PLCD1: variants seen among roughly 807,000 people sequenced by gnomAD.
The protein encoded by PLCD1 is phospholipase C delta 1, also known as 1-phosphatidylinositol 4,5-bisphosphate phosphodiesterase delta-1.
A neutral mutation model predicts 87.4 loss-of-function variants in PLCD1; 71 were observed. That is an observed-to-expected ratio of 0.81 (90% CI 0.67 to 0.99). The LOEUF (loss-of-function observed/expected upper bound fraction) is 0.99, where lower values mean the gene tolerates loss of function less well. PLCD1 is among the 50% of genes least tolerant of loss of function. The pLI is 0.00. For synonymous variants in PLCD1, 348 were observed against 399.2 expected, an observed-to-expected ratio of 0.87 and a Z score of 1.53; for missense variants, 867 against 1,001.5, an observed-to-expected ratio of 0.87 and a Z score of 1.81.
rs73825469 is a variant in PLCD1 at position 38,025,456 on chromosome 3, C to T, written c.34+4050G>A. On this transcript the variant is annotated intron_variant, in intron 1 of 14. Transcript: ENST00000334661. This position sits in a 1 kb window ranked among gnomAD's most constrained non-coding sequence, Gnocchi z 4.0. ...GATGGAGCCTGGGCCAGACACCGAG[C>T]CCCCCCCAAGTATTTTACTTCAATT... Among the ~76,000 whole-genome samples, 2,753 of 151,432 alleles carry T rather than the reference C, an allele frequency of 0.018. 46 individuals carry two copies. Among genetic ancestry groups the T allele is most frequent in the African/African-American group, 0.047 (1,929 of 41,308 alleles).
In PLCD1 at chr3:38,010,576, G is replaced by A. The variant is rs755727474; in HGVS notation, c.791-14C>T. 7.5e-6 allele frequency: 12 copies of A among 1,607,360 alleles called. No homozygotes were observed. The highest frequency in any genetic ancestry group is 1.0e-5 in the Non-Finnish European group (12 of 1,176,470). ...GCTGCGCCTTGGCTGGGAGGGAGGA[G>A]GCCACTGCCCGTCAGAGCCAGCCTC... On this transcript the variant is annotated splice_polypyrimidine_tract_variant and intron_variant, in intron 5 of 14. Transcript: ENST00000334661.
At chr3:38,008,967 C>T in intron 11 of PLCD1, 75 bp downstream of exon 11, 1 of 1,240,864 alleles carries the variant, frequency 8.1e-7, no homozygotes, top group South Asian at 1.2e-5. Context: ...ACTGCATGGC[C>T]TTCGAGGCTC....
rs767555699 is a variant in PLCD1 at position 38,010,387 on chromosome 3, C to T, written c.966G>A (p.Gly322=). The change falls in exon 6 of 15, where the codon GGG becomes GGA. Residue 322 remains glycine, a synonymous_variant. Coordinates refer to ENST00000334661, the MANE Select transcript of PLCD1 (RefSeq NM_006225.4). Reference sequence around the variant, plus strand: ...GGATGTAGGCTTCAGTGCTGCTGGGCCCGGCTAGCTGGTCCTCCAGCAGGT... The same window carrying T: ...GGATGTAGGCTTCAGTGCTGCTGGGTCCGGCTAGCTGGTCCTCCAGCAGGT... ...NTYLLEDQLA[G]PSSTEAYIRA... is the part of the protein sequence containing the mutation. 2 of 1,614,230 alleles carry T rather than the reference C, an allele frequency of 1.2e-6. No individual in the cohort carries two copies. Among genetic ancestry groups the T allele is most frequent in the South Asian group, 1.1e-5 (1 of 91,080 alleles).
chr3:38,024,517 C>T, intron 1 of PLCD1: 2 of 1,530,364 alleles, frequency 1.3e-6, no homozygotes, highest in South Asian at 1.2e-5. Flanking sequence ...ACACCCTCTG[C>T]TCTGGTCCGG....
At chr3:38,029,067 G>T (rs906812879) in intron 1 of PLCD1, among the ~76,000 whole-genome samples, 2 of 152,262 alleles carry the variant, frequency 1.3e-5, no homozygotes, top group African/African-American at 4.8e-5. Flanking sequence ...CGCGCGGCCT[G>T]ACGCGGTCCA....
chr3:38,012,031 C>CTTT lies in PLCD1; in HGVS notation c.429-361_429-359dup, dbSNP rs763245915. ...AGTATATCCTTCTGGTTTTCCTTTTCTTTTTTTTTTTTTTTTGACAAGATC... is the reference window on the plus strand; with the variant it reads ...AGTATATCCTTCTGGTTTTCCTTTTCTTTTTTTTTTTTTTTTTTTGACAAGATC... On this transcript the variant is annotated intron_variant, in intron 3 of 14. Coordinates refer to ENST00000334661, the MANE Select transcript of PLCD1 (RefSeq NM_006225.4). Among the ~76,000 whole-genome samples, 61 of 137,654 alleles carry CTTT rather than the reference C, an allele frequency of 4.4e-4. 4 individuals are homozygous for CTTT. Among genetic ancestry groups the CTTT allele is most frequent in the African/African-American group, 9.6e-4 (35 of 36,308 alleles). The allele number at this position is 137,654 out of a possible 152,430, so 90.3% of individuals were successfully genotyped here. A position where few individuals can be genotyped will look rare whatever the true frequency, so the allele number is the denominator to read the frequency against.
chr3:38,029,128 A>C (rs774053046), intron 1 of PLCD1, among the ~76,000 whole-genome samples: 51 of 152,220 alleles, frequency 3.4e-4, no homozygotes, highest in Non-Finnish European at 5.6e-4. Context: ...TGGGGCAAGG[A>C]GAATTTTGGT....
At chr3:38,015,944 G>C (rs563111020) in intron 3 of PLCD1, among the ~76,000 whole-genome samples, 3 of 152,240 alleles carry the variant, frequency 2.0e-5, no homozygotes, top group South Asian at 4.1e-4. Flanking sequence ...TGACAGACGG[G>C]GACACAGGGA....
At chr3:38,026,705 G>T (rs1194748692) in intron 1 of PLCD1, among the ~76,000 whole-genome samples, 3 of 152,214 alleles carry the variant, frequency 2.0e-5, no homozygotes, top group Non-Finnish European at 2.9e-5. Flanking sequence ...TGAGGAGCTG[G>T]CCACCCCAAC....
intron 1 of PLCD1, chr3:38,024,075 C>T (rs568275151): frequency 2.0e-6 from 1 of 493,978 alleles, no homozygotes; most frequent in African/African-American, 2.0e-5. Flanking sequence ...AACAGGAAGG[C>T]GTCGGGTGAC....
intron 3 of PLCD1, among the ~76,000 whole-genome samples, chr3:38,015,534 T>C (rs1700142205): frequency 6.6e-6 from 1 of 152,182 alleles, no homozygotes; most frequent in Admixed American, 6.5e-5. Context: ...TCTGTGAATA[T>C]ACTAAAAAGC....
chr3:38,009,086 G>A lies in PLCD1; in HGVS notation c.1679C>T (p.Ser560Phe). 1 of 1,613,848 alleles carries A rather than the reference G, an allele frequency of 6.2e-7. No homozygotes were observed. The change falls in exon 11 of 15, where the codon TCC becomes TTC. Residue 560 changes from serine to phenylalanine, a missense_variant. Transcript: ENST00000334661. ...CCACATCTCCACGGGGCTGTAGTTG[G>A]AGGAGTCTGTTCTCCATCCAGCCGG... The part of the protein sequence containing the change: ...IYPAGWRTDS[S>F]NYSPVEMWNG...
chr3:38,015,308 A>G (rs1700138908), intron 3 of PLCD1, among the ~76,000 whole-genome samples: 1 of 152,236 alleles, frequency 6.6e-6, no homozygotes, highest in Non-Finnish European at 1.5e-5. Context: ...TATTGCAAAC[A>G]TCACGCTAAA....
intron 3 of PLCD1, among the ~76,000 whole-genome samples, chr3:38,011,925 T>C (rs1211994062): frequency 6.6e-6 from 1 of 152,204 alleles, no homozygotes; most frequent in Non-Finnish European, 1.5e-5. Flanking sequence ...CTGTAGACAA[T>C]TTAGAAAATG....
At chr3:38,022,470 A>G (rs902731868) in intron 1 of PLCD1, among the ~76,000 whole-genome samples, 10 of 152,182 alleles carry the variant, frequency 6.6e-5, no homozygotes, top group African/African-American at 1.9e-4. Context: ...CTGGGCATAC[A>G]TCAGGGCAAG....
Position 38,008,561 on chromosome 3 carries a change from C to T in PLCD1, c.1799G>A (p.Gly600Glu), listed in dbSNP as rs779475969. 12 of 1,614,080 alleles carry T rather than the reference C, an allele frequency of 7.4e-6. No individual in the cohort carries two copies. Among genetic ancestry groups the T allele is most frequent in the Non-Finnish European group, 1.0e-5 (12 of 1,180,020 alleles). Residue 600 changes from glycine to glutamate, a missense_variant, in exon 12 of 15, where the codon GGG becomes GAG. Transcript: ENST00000334661. Reference sequence around the variant, plus strand: ...CAGGAAGGCGGGCTTCAGCACGTACCCACAGGCCCCGTTGTCCTGGAAGCG... The same window carrying T: ...CAGGAAGGCGGGCTTCAGCACGTACTCACAGGCCCCGTTGTCCTGGAAGCG... Reference protein sequence around the residue: ...QGRFQDNGACGYVLKPAFLRD... With the variant: ...QGRFQDNGACEYVLKPAFLRD...
Position 38,008,180 on chromosome 3 carries a change from C to T in PLCD1, c.2036-17G>A. The T allele has an allele frequency of 6.2e-7, 1 of 1,613,602 alleles. No individual in the cohort carries two copies. Among genetic ancestry groups the T allele is most frequent in the Non-Finnish European group, 8.5e-7 (1 of 1,180,026 alleles). On this transcript the variant is annotated splice_polypyrimidine_tract_variant and intron_variant, in intron 13 of 14. Transcript: ENST00000334661. ...GGTTGAAACCTAGGGGGACAGGCACCATATCAGCAGCATGGACACCAGCCC... is the reference window on the plus strand; with the variant it reads ...GGTTGAAACCTAGGGGGACAGGCACTATATCAGCAGCATGGACACCAGCCC...
chr3:38,011,975 C>T (rs1488578650), intron 3 of PLCD1, among the ~76,000 whole-genome samples: 1 of 151,964 alleles, frequency 6.6e-6, no homozygotes, highest in African/African-American at 2.4e-5. Context: ...CGTAGTCTAT[C>T]ACCTAGGGAT....
chr3:38,029,401 G>A, intron 1 of PLCD1, 105 bp downstream of exon 1: 1 of 1,013,700 alleles, frequency 9.9e-7, no homozygotes. Context: ...CCGGGGTGGT[G>A]TGGAGGCGGC....
Sources: gnomAD v4.1 joint callset for allele counts (sites outside exome capture counted in the v4.1 genomes callset) on GRCh38, gnomAD v4.1.1 for gene constraint, Gnocchi (gnomAD v3.1) non-coding constraint, MANE v1.5 for transcripts, NCBI Gene and HGNC (gene_info 2026-07-23, HGNC 2026-07-21) for gene names.